Variants in KCNQ1 observed in about 807,000 individuals in gnomAD.
KCNQ1 encodes the protein potassium voltage-gated channel subfamily KQT member 1.
Under a neutral mutation model 72.4 loss-of-function variants are expected in KCNQ1, and 49 were observed. The observed-to-expected ratio is 0.68, with a 90% CI of 0.54 to 0.86. KCNQ1 has a LOEUF of 0.86. KCNQ1 is among the 40% of genes least tolerant of loss of function. KCNQ1 has a pLI of 0.00. For missense variants in KCNQ1, 790 were observed against 945.1 expected (o/e 0.84, Z 2.15); for synonymous variants, 450 against 412.6 (o/e 1.09, Z -1.10).
intron 2 of KCNQ1, among the ~76,000 whole-genome samples, chr11:2,548,557 A>G (rs2133689617): frequency 6.6e-6 from 1 of 152,328 alleles, no homozygotes; most frequent in Middle Eastern, 3.4e-3. Context: ...GGACACGTTT[A>G]CGTGTCTGCA....
chr11:2,825,757 A>G lies in KCNQ1; in HGVS notation c.1795-22010A>G, dbSNP rs544503680. 1.1e-3 allele frequency among the ~76,000 whole-genome samples: 161 copies of G among 152,336 alleles called. 1 individual carries two copies. Among genetic ancestry groups the G allele is most frequent in the African/African-American group, 3.8e-3 (156 of 41,560 alleles). On this transcript the variant is annotated intron_variant, in intron 15 of 15. Transcript: ENST00000155840. ...AGCAGTCAGTCATTCACACTTCAGT[A>G]TGAATGAGTCTCCGGGTACTTTGCT... is the stretch of plus-strand genomic sequence containing the variant.
intron 11 of KCNQ1, among the ~76,000 whole-genome samples, chr11:2,736,812 T>G (rs545872658): frequency 3.0e-4 from 46 of 152,352 alleles, no homozygotes; most frequent in African/African-American, 1.0e-3. Context: ...CTGCTGGGCC[T>G]GGTGGGGCCT....
intron 1 of KCNQ1, among the ~76,000 whole-genome samples, chr11:2,499,630 C>T (rs574668872): frequency 2.1e-4 from 31 of 151,134 alleles, no homozygotes; most frequent in African/African-American, 6.6e-4. Flanking sequence ...AAAGATATTC[C>T]GTGCCAATAG....
chr11:2,730,085 G>A (rs78599729), intron 11 of KCNQ1, among the ~76,000 whole-genome samples: 4,210 of 152,136 alleles, frequency 0.028, 75 homozygotes, highest in South Asian at 0.055. Context: ...CCCCGAGTGC[G>A]GTGTGGTTGG....
intron 10 of KCNQ1, among the ~76,000 whole-genome samples, chr11:2,596,488 C>T (rs1442292938): frequency 1.3e-5 from 2 of 151,654 alleles, no homozygotes; most frequent in African/African-American, 4.8e-5. Flanking sequence ...TAGTATATTC[C>T]TAAAATGGAA....
At chr11:2,823,468 C>T (rs1412252081) in intron 15 of KCNQ1, among the ~76,000 whole-genome samples, 2 of 152,224 alleles carry the variant, frequency 1.3e-5, no homozygotes, top group East Asian at 1.9e-4. Flanking sequence ...TCCAGCAAAA[C>T]GTGGGAGGAA....
chr11:2,448,237 T>C (rs1846073153), intron 1 of KCNQ1, among the ~76,000 whole-genome samples: 1 of 152,164 alleles, frequency 6.6e-6, no homozygotes, highest in Non-Finnish European at 1.5e-5. Context: ...GGAGAGGGAT[T>C]TGAGGGGGGA....
chr11:2,801,570 A>G (rs932716562), intron 15 of KCNQ1, among the ~76,000 whole-genome samples: 2 of 152,206 alleles, frequency 1.3e-5, no homozygotes, highest in South Asian at 2.1e-4. Flanking sequence ...CGTGAGTCCT[A>G]TGGGACCAAG....
At chr11:2,529,050 T>C (rs1847563946) in intron 2 of KCNQ1, among the ~76,000 whole-genome samples, 1 of 152,200 alleles carries the variant, frequency 6.6e-6, no homozygotes, top group Non-Finnish European at 1.5e-5. Context: ...GGGTAAGTGG[T>C]GTGAGGCACA....
intron 1 of KCNQ1, among the ~76,000 whole-genome samples, chr11:2,517,113 G>A (rs115735957): frequency 0.02 from 3,096 of 152,268 alleles, 93 homozygotes; most frequent in African/African-American, 0.063. Context: ...CTGGGCGTCC[G>A]GGTGAGATGG....
At chr11:2,587,096 G>A (rs1848602734) in intron 8 of KCNQ1, among the ~76,000 whole-genome samples, 1 of 152,124 alleles carries the variant, frequency 6.6e-6, no homozygotes, top group Non-Finnish European at 1.5e-5. Context: ...CCAGCCCTAG[G>A]GATCCTGCCT....
At chr11:2,751,445 CACGT>C (rs983311885) in intron 11 of KCNQ1, among the ~76,000 whole-genome samples, 71 of 152,368 alleles carry the variant, frequency 4.7e-4, no homozygotes, top group Non-Finnish European at 5.6e-4. Context: ...GCATCTGTCC[CACGT>C]TCCACCCCCA....
intron 15 of KCNQ1, among the ~76,000 whole-genome samples, chr11:2,786,339 CT>C (rs1354707048): frequency 1.3e-5 from 2 of 152,126 alleles, no homozygotes. Context: ...GACAATCTGT[CT>C]TTTTTCTCTG....
Position 2,759,972 on chromosome 11 carries a change from G to A in KCNQ1, c.1515-8872G>A. ...TGGATGGAGGCCAGGCCGCTGAGCT[G>A]CTGGGAATCTGTTCCACAGGTGGGA... On this transcript the variant is annotated intron_variant, in intron 11 of 15. Transcript: ENST00000155840. This position sits in a 1 kb window ranked among gnomAD's most constrained non-coding sequence, Gnocchi z 4.4. Among the ~76,000 whole-genome samples the A allele has an allele frequency of 6.6e-6, 1 of 152,242 alleles. No individual in the cohort carries two copies. Among genetic ancestry groups the A allele is most frequent in the East Asian group, 1.9e-4 (1 of 5,192 alleles).
intron 11 of KCNQ1, among the ~76,000 whole-genome samples, chr11:2,761,507 C>T (rs1846395450): frequency 6.6e-6 from 1 of 152,188 alleles, no homozygotes; most frequent in African/African-American, 2.4e-5. Flanking sequence ...TCTGTCCTCA[C>T]CTGGGTCCGT....
In KCNQ1 at chr11:2,473,958, C is replaced by T. The variant is rs543029069; in HGVS notation, c.386+28474C>T. Among the ~76,000 whole-genome samples, 20 of 152,346 alleles carry T rather than the reference C, an allele frequency of 1.3e-4. No homozygotes were observed. The highest frequency in any genetic ancestry group is 3.4e-3 in the Middle Eastern group (1 of 294). On this transcript the variant is annotated intron_variant, in intron 1 of 15. Transcript: ENST00000155840. The surrounding 1 kb of genome is among the most constrained non-coding windows in gnomAD (Gnocchi z 6.0). ...CGCAAAATAGGCCTGATGCCAGGAA[C>T]GGGGCACTGCAGGGCCCTTGGGAGG... is the stretch of plus-strand genomic sequence containing the variant.
At chr11:2,705,086 A>G (rs1241336871) in intron 11 of KCNQ1, among the ~76,000 whole-genome samples, 1 of 152,138 alleles carries the variant, frequency 6.6e-6, no homozygotes, top group African/African-American at 2.4e-5. Flanking sequence ...TCCCTCAGGG[A>G]ATCCCCCATT....
At chr11:2,496,460 A>AAAAAATG (rs1203872109) in intron 1 of KCNQ1, among the ~76,000 whole-genome samples, 2 of 148,650 alleles carry the variant, frequency 1.3e-5, no homozygotes, top group African/African-American at 2.5e-5. Flanking sequence ...AATAAAAAAT[A>AAAAAATG]AAATTAAAAA....
At chr11:2,845,406 G>T (rs1848306026) in intron 15 of KCNQ1, among the ~76,000 whole-genome samples, 2 of 152,164 alleles carry the variant, frequency 1.3e-5, no homozygotes, top group South Asian at 4.1e-4. Flanking sequence ...ATGGAGTGTG[G>T]GCCTCTGTGG....
Sources: allele counts gnomAD v4.1 joint callset (sites outside exome capture counted in the v4.1 genomes callset), GRCh38; gene constraint gnomAD v4.1.1; non-coding constraint Gnocchi (gnomAD v3.1); transcripts MANE v1.5; gene names NCBI Gene and HGNC (gene_info 2026-07-23, HGNC 2026-07-21).